Variants in EXD1 observed in about 807,000 individuals in gnomAD.
EXD1 encodes the protein exonuclease 3'-5' domain containing 1.
EXD1 carries 63 observed loss-of-function variants against 49.1 expected under a neutral mutation model. The observed-to-expected ratio is 1.28, with a 90% CI of 1.05 to 1.58. The LOEUF (loss-of-function observed/expected upper bound fraction) is 1.58, where lower values mean the gene tolerates loss of function less well. Among genes scored for constraint, EXD1 ranks in the 40% most tolerant of loss-of-function variants. EXD1 has a pLI of 0.00. For missense variants in EXD1, 748 were observed against 666.0 expected, an observed-to-expected ratio of 1.12 and a Z score of -1.36; for synonymous variants, 234 against 239.2, an observed-to-expected ratio of 0.98 and a Z score of 0.20.
rs994570738 is a variant in EXD1 at position 41,195,678 on chromosome 15, A to G, written c.720+97T>C. 3.3e-6 allele frequency: 3 copies of G among 896,388 alleles called. No homozygotes were observed. In the African/African-American group the frequency reaches 5.1e-5, roughly 15 times the overall value. The allele number at this position is 896,388 out of a possible 1,614,324, so 55.5% of individuals were successfully genotyped here. A position where few individuals can be genotyped will look rare whatever the true frequency, so the allele number is the denominator to read the frequency against. ...AATGGAGCACCAAAAAAAAAAAAAA[A>G]ATTAAAAAGACTTTCACTCATCAGA... On this transcript the variant is annotated intron_variant, in intron 9 of 11. Transcript: ENST00000458580.
At chr15:41,194,157 G>A (rs1051086261) in intron 9 of EXD1, among the ~76,000 whole-genome samples, 27 of 151,684 alleles carry the variant, frequency 1.8e-4, no homozygotes, top group Non-Finnish European at 3.5e-4. Context: ...GACTACAGGC[G>A]CCTGCCACCA....
At chr15:41,225,653 T>C (rs1442773419) in intron 2 of EXD1, among the ~76,000 whole-genome samples, 1 of 148,968 alleles carries the variant, frequency 6.7e-6, no homozygotes, top group Non-Finnish European at 1.5e-5. Flanking sequence ...GGGACCGAGG[T>C]GGGTGGATCA....
chr15:41,216,866 C>T (rs2047007734), intron 4 of EXD1, 71 bp from the exon 5 acceptor site: 1 of 1,590,058 alleles, frequency 6.3e-7, no homozygotes, highest in Admixed American at 1.7e-5. Context: ...GATTTTGCCA[C>T]ACATTAACGT....
intron 3 of EXD1, among the ~76,000 whole-genome samples, chr15:41,217,382 A>C (rs1458038380): frequency 6.6e-6 from 1 of 152,178 alleles, no homozygotes; most frequent in African/African-American, 2.4e-5. Context: ...GGTTATTTAG[A>C]AGGATTAGGA....
chr15:41,228,592 G>C (rs2047195194), intron 1 of EXD1, among the ~76,000 whole-genome samples: 1 of 152,120 alleles, frequency 6.6e-6, no homozygotes, highest in Non-Finnish European at 1.5e-5. Flanking sequence ...TCATCAGAGA[G>C]TCTAAGAAAA....
chr15:41,184,928 T>G (rs2046385315), intron 11 of EXD1, among the ~76,000 whole-genome samples: 1 of 152,186 alleles, frequency 6.6e-6, no homozygotes, highest in Admixed American at 6.6e-5. Flanking sequence ...AGTGCTGGGA[T>G]TACAGTCGTG....
chr15:41,203,219 G>A (rs2046761881), intron 7 of EXD1, among the ~76,000 whole-genome samples: 1 of 152,140 alleles, frequency 6.6e-6, no homozygotes, highest in South Asian at 2.1e-4. Context: ...GGAATGGGCT[G>A]AAGGTTTATA....
chr15:41,184,809 C>T (rs539401027), intron 11 of EXD1, among the ~76,000 whole-genome samples: 2 of 152,056 alleles, frequency 1.3e-5, no homozygotes, highest in Non-Finnish European at 2.9e-5. Flanking sequence ...CGCCTGCCAC[C>T]ACGCCCAGCT....
At chr15:41,199,846 AAT>A (rs1320502163) in intron 7 of EXD1, among the ~76,000 whole-genome samples, 2 of 143,734 alleles carry the variant, frequency 1.4e-5, no homozygotes, top group Non-Finnish European at 3.0e-5. Context: ...TGATATATAT[AAT>A]ATGTCATATA....
chr15:41,225,578 T>C (rs545229441), intron 2 of EXD1, among the ~76,000 whole-genome samples: 54 of 110,918 alleles, frequency 4.9e-4, no homozygotes, highest in Middle Eastern at 7.8e-3. Context: ...AGAACGAGAC[T>C]CATTCTCAGA....
chr15:41,189,309 AG>A (rs1445032154), intron 11 of EXD1, among the ~76,000 whole-genome samples: 1 of 151,796 alleles, frequency 6.6e-6, no homozygotes, highest in East Asian at 2.0e-4. Flanking sequence ...CGGAGGCTAC[AG>A]TGAGCTGAGA....
At chr15:41,204,361 G>A (rs1193214218) in intron 7 of EXD1, among the ~76,000 whole-genome samples, 1 of 151,692 alleles carries the variant, frequency 6.6e-6, no homozygotes, top group East Asian at 1.9e-4. Flanking sequence ...GACCAGCCTG[G>A]CCAACATGGT....
At chr15:41,207,564 A>T (rs2046853012) in intron 7 of EXD1, among the ~76,000 whole-genome samples, 1 of 152,070 alleles carries the variant, frequency 6.6e-6, no homozygotes, top group African/African-American at 2.4e-5. Context: ...AATAAAAAAA[A>T]TAAACGTAGT....
intron 7 of EXD1, among the ~76,000 whole-genome samples, chr15:41,206,474 G>GAAAAAAA (rs34195951): frequency 4.6e-5 from 4 of 87,126 alleles, no homozygotes; most frequent in Non-Finnish European, 7.8e-5. Flanking sequence ...ACCCTGTCTC[G>GAAAAAAA]AAAAAAAAAA....
At chr15:41,223,043 T>C (rs1293081755) in intron 2 of EXD1, among the ~76,000 whole-genome samples, 2 of 150,532 alleles carry the variant, frequency 1.3e-5, no homozygotes, top group Non-Finnish European at 3.0e-5. Context: ...CTCGAACTCC[T>C]GGGCTTAAGT....
At chr15:41,223,601 T>C (rs2047121315) in intron 2 of EXD1, among the ~76,000 whole-genome samples, 1 of 151,484 alleles carries the variant, frequency 6.6e-6, no homozygotes, top group Admixed American at 6.6e-5. Flanking sequence ...TTGGCTCATG[T>C]CTGTAATCCC....
At position 41,183,804 on chromosome 15, in the gene EXD1, G is replaced by A. The variant is rs1227686048; in HGVS notation, c.*127C>T. ...CCAGGAACACAGGAGTAAGCAAGAG[G>A]ATATAATTTTCCCCTGTGACTGAAG... On this transcript the variant is annotated 3_prime_UTR_variant, in exon 12 of 12. Transcript: ENST00000458580. 5 of 822,664 alleles carry A rather than the reference G, an allele frequency of 6.1e-6. No individual in the cohort carries two copies. Among genetic ancestry groups the A allele is most frequent in the Non-Finnish European group, 9.4e-6 (5 of 532,354 alleles). The allele number at this position is 822,664 out of a possible 1,614,324, so 51.0% of individuals were successfully genotyped here.
At chr15:41,196,274 T>A (rs1429760633) in intron 7 of EXD1, among the ~76,000 whole-genome samples, 1 of 150,886 alleles carries the variant, frequency 6.6e-6, no homozygotes, top group African/African-American at 2.4e-5. Context: ...GGCCTCCTGA[T>A]AGCTGTGATT....
At chr15:41,201,197 A>G (rs2046723572) in intron 7 of EXD1, among the ~76,000 whole-genome samples, 2 of 152,098 alleles carry the variant, frequency 1.3e-5, no homozygotes, top group Admixed American at 6.6e-5. Context: ...TTGAGTAGAA[A>G]GTATAGGAAA....
Sources: allele counts gnomAD v4.1 joint callset (sites outside exome capture counted in the v4.1 genomes callset), GRCh38; gene constraint gnomAD v4.1.1; transcripts MANE v1.5; gene names NCBI Gene and HGNC (gene_info 2026-07-23, HGNC 2026-07-21).